Variants in STARD6 observed in about 807,000 individuals in gnomAD.
The protein encoded by STARD6 is stAR-related lipid transfer protein 6.
A neutral mutation model predicts 22.3 loss-of-function variants in STARD6; 21 were observed. The observed-to-expected ratio is 0.94, with a 90% CI of 0.67 to 1.35. STARD6 has a LOEUF of 1.35. STARD6 is among the 40% of genes most tolerant of loss of function. The pLI, the probability that STARD6 is intolerant of heterozygous loss-of-function variation, is 0.00. For missense variants in STARD6, 269 were observed against 266.9 expected, an observed-to-expected ratio of 1.01 and a Z score of -0.05; for synonymous variants, 80 against 88.1, an observed-to-expected ratio of 0.91 and a Z score of 0.52.
At position 54,331,869 on chromosome 18, in the gene STARD6, A is replaced by G; in HGVS notation, c.268-10T>C. On this transcript the variant is annotated splice_polypyrimidine_tract_variant and intron_variant, in intron 5 of 7. Transcript: ENST00000307844. ...GACATATGAATGTGTCCTGCAACAAATCAAACCGTAAAGATAACAAACGTT... is the reference window on the plus strand; with the variant it reads ...GACATATGAATGTGTCCTGCAACAAGTCAAACCGTAAAGATAACAAACGTT... 6.5e-7 allele frequency: 1 copy of G among 1,547,674 alleles called. No individual in the cohort carries two copies. The highest frequency in any genetic ancestry group is 8.9e-7 in the Non-Finnish European group (1 of 1,125,816).
intron 7 of STARD6, 93 bp from the exon 8 acceptor site, chr18:54,324,968 T>C: frequency 1.9e-6 from 2 of 1,027,018 alleles, no homozygotes; most frequent in Non-Finnish European, 1.3e-6. Flanking sequence ...TCTTATCTTA[T>C]TCACCGTTGA....
intron 5 of STARD6, among the ~76,000 whole-genome samples, chr18:54,332,186 A>C (rs151054822): frequency 1.0e-3 from 157 of 152,300 alleles, no homozygotes; most frequent in African/African-American, 3.7e-3. Context: ...TTCCCCATAC[A>C]GTACTATTTC....
At chr18:54,349,592 G>T (rs1441018684) in intron 4 of STARD6, among the ~76,000 whole-genome samples, 1 of 152,024 alleles carries the variant, frequency 6.6e-6, no homozygotes, top group Non-Finnish European at 1.5e-5. Context: ...TGAGATTTTG[G>T]TGCACCCATC....
intron 4 of STARD6, among the ~76,000 whole-genome samples, chr18:54,352,310 T>G (rs554856527): frequency 7.3e-4 from 111 of 152,364 alleles, no homozygotes; most frequent in African/African-American, 2.6e-3. Flanking sequence ...ATTTCATTGC[T>G]AATTGAGTTT....
Position 54,337,209 on chromosome 18 carries a change from T to C in STARD6, c.183A>G (p.Leu61=), listed in dbSNP as rs769635729. ...CTCCAGTTTGGTAGAGGAAATCAGA[T>C]AGTTTAGCTGGTGATTCTGGAATTA... ...EGIIPESPAK[L]SDFLYQTGDR... The change falls in exon 5 of 8, where the codon CTA becomes CTG. Residue 61 remains leucine (L), a synonymous_variant. Transcript: ENST00000307844. 10 of 1,613,488 alleles carry C rather than the reference T, an allele frequency of 6.2e-6. No individual in the cohort carries two copies. In the East Asian group the frequency reaches 1.6e-4, roughly 25 times the overall value.
intron 7 of STARD6, among the ~76,000 whole-genome samples, chr18:54,326,210 G>T (rs1197339433): frequency 6.6e-6 from 1 of 151,228 alleles, no homozygotes; most frequent in Non-Finnish European, 1.5e-5. Flanking sequence ...AAATCTTTGA[G>T]ATGCTAAAGG....
intron 6 of STARD6, among the ~76,000 whole-genome samples, 178 bp downstream of exon 6, chr18:54,331,564 T>A (rs2088864826): frequency 6.6e-6 from 1 of 152,212 alleles, no homozygotes; most frequent in Non-Finnish European, 1.5e-5. Flanking sequence ...ATTATATAAA[T>A]GGCACCTTCA....
intron 3 of STARD6, 112 bp from the exon 4 acceptor site, chr18:54,354,215 A>T (rs972452829): frequency 4.2e-5 from 29 of 690,246 alleles, no homozygotes; most frequent in Non-Finnish European, 6.7e-5. Flanking sequence ...AAAAGAAAAA[A>T]ATATATATAT....
At chr18:54,328,217 G>A (rs577756942) in intron 7 of STARD6, among the ~76,000 whole-genome samples, 9 of 152,254 alleles carry the variant, frequency 5.9e-5, no homozygotes, top group Non-Finnish European at 1.2e-4. Context: ...AGTTTGTATG[G>A]TCTTAAATCT....
At chr18:54,332,427 AT>A (rs2088872926) in intron 5 of STARD6, among the ~76,000 whole-genome samples, 1 of 152,126 alleles carries the variant, frequency 6.6e-6, no homozygotes, top group Non-Finnish European at 1.5e-5. Flanking sequence ...CACAGTTACT[AT>A]TTATCCCTGT....
At chr18:54,346,179 C>T (rs1050267226) in intron 4 of STARD6, among the ~76,000 whole-genome samples, 1 of 152,104 alleles carries the variant, frequency 6.6e-6, no homozygotes, top group Non-Finnish European at 1.5e-5. Context: ...TGATACTAAA[C>T]TAGTATCCAC....
intron 5 of STARD6, among the ~76,000 whole-genome samples, chr18:54,335,345 C>A (rs551776840): frequency 2.0e-5 from 3 of 152,130 alleles, no homozygotes; most frequent in African/African-American, 4.8e-5. Flanking sequence ...CAGGCGCATG[C>A]AACCACGCCT....
intron 7 of STARD6, among the ~76,000 whole-genome samples, chr18:54,325,699 A>T (rs2088819641): frequency 6.6e-6 from 1 of 151,948 alleles, no homozygotes; most frequent in Non-Finnish European, 1.5e-5. Flanking sequence ...AGGTGTGCCC[A>T]ATCATGCCTG....
At chr18:54,329,913 G>A (rs776236374) in intron 6 of STARD6, among the ~76,000 whole-genome samples, 1 of 151,164 alleles carries the variant, frequency 6.6e-6, no homozygotes, top group African/African-American at 2.4e-5. Context: ...GTAGTTAGAT[G>A]GTCTGTCAGT....
chr18:54,325,465 T>C (rs1049911677), intron 7 of STARD6, among the ~76,000 whole-genome samples: 11 of 152,186 alleles, frequency 7.2e-5, no homozygotes, highest in African/African-American at 2.7e-4. Context: ...TTAACAGTCC[T>C]TTTATTGACT....
chr18:54,339,461 T>C (rs972420499), intron 4 of STARD6, among the ~76,000 whole-genome samples: 3 of 140,280 alleles, frequency 2.1e-5, no homozygotes, highest in Non-Finnish European at 4.6e-5. Context: ...AAAATAAAAA[T>C]AAAGTCTTGA....
At chr18:54,345,249 T>A (rs895754077) in intron 4 of STARD6, among the ~76,000 whole-genome samples, 1 of 152,148 alleles carries the variant, frequency 6.6e-6, no homozygotes, top group African/African-American at 2.4e-5. Context: ...TAAAATTTTT[T>A]AAAAGTAATT....
chr18:54,330,629 A>G (rs1250150013), intron 6 of STARD6, among the ~76,000 whole-genome samples: 1 of 152,088 alleles, frequency 6.6e-6, no homozygotes. Flanking sequence ...TAAGAAAACT[A>G]TGAGTACTGA....
rs1427542422 is a variant in STARD6, at chr18:54,343,983, C to T, written c.141-6732G>A. Reference sequence around the variant, plus strand: ...AGCCCCCCTGCCCGGCCAGCTGCCCCGTCCGGGAGGTGAGGGGCGCCTCTG... The same window carrying T: ...AGCCCCCCTGCCCGGCCAGCTGCCCTGTCCGGGAGGTGAGGGGCGCCTCTG... On this transcript the variant is annotated intron_variant, in intron 4 of 7. Transcript: ENST00000307844. Among the ~76,000 whole-genome samples the T allele has an allele frequency of 2.2e-4, 11 of 50,558 alleles. 1 individual carries two copies. The highest frequency in any genetic ancestry group is 7.3e-4 in the African/African-American group (3 of 4,102). 33.2% of individuals were successfully genotyped at this position (50,558 alleles called of 152,430 possible).
Sources: gnomAD v4.1 joint callset for allele counts (sites outside exome capture counted in the v4.1 genomes callset) on GRCh38, gnomAD v4.1.1 for gene constraint, MANE v1.5 for transcripts, NCBI Gene and HGNC (gene_info 2026-07-23, HGNC 2026-07-21) for gene names.